CTBP1: variants seen among roughly 807,000 people sequenced by gnomAD.
The protein encoded by CTBP1 is C-terminal binding protein 1.
CTBP1 carries 11 observed loss-of-function variants against 42.1 expected under a neutral mutation model. The ratio of observed to expected loss-of-function variants is 0.26; its 90% CI spans 0.16 to 0.43. The LOEUF (loss-of-function observed/expected upper bound fraction) is 0.43, where lower values mean the gene tolerates loss of function less well. Ranked by LOEUF, CTBP1 falls within the 20% of genes least tolerant of loss-of-function variation. The pLI is 1.00. For missense variants in CTBP1, 399 were observed against 624.3 expected (o/e 0.64, Z 3.85); for synonymous variants, 324 against 277.1 (o/e 1.17, Z -1.68).
intron 1 of CTBP1, 143 bp from the exon 2 acceptor site, chr4:1,241,662 G>A: frequency 6.1e-6 from 8 of 1,308,388 alleles, no homozygotes; most frequent in Non-Finnish European, 7.9e-6. Context: ...TGGACTCGGG[G>A]GCCTGCTGAC....
intron 1 of CTBP1, chr4:1,243,046 T>C: frequency 1.0e-6 from 1 of 985,326 alleles, no homozygotes; most frequent in Non-Finnish European, 1.2e-6. Flanking sequence ...CAATACTCAT[T>C]GATACCGGCT....
At position 1,246,307 on chromosome 4, in the gene CTBP1, C is replaced by T. The variant is rs566857164; in HGVS notation, c.-189+2609G>A. Among the ~76,000 whole-genome samples, 5 of 152,142 alleles carry T rather than the reference C, an allele frequency of 3.3e-5. 1 individual carries two copies. The highest frequency in any genetic ancestry group is 2.1e-4 in the South Asian group (1 of 4,832). ...GCGCTCCGACCAGCGTTCCCTTGGG[C>T]GATGCAGTTCAACCACAGAACCCGT... On this transcript the variant is annotated intron_variant, in intron 1 of 9. Transcript: ENST00000382952.
chr4:1,215,992 T>C lies in CTBP1; in HGVS notation c.728A>G (p.Gln243Arg). 6.2e-7 allele frequency: 1 copy of C among 1,608,896 alleles called. No individual in the cohort carries two copies. Among genetic ancestry groups the C allele is most frequent in the Non-Finnish European group, 8.5e-7 (1 of 1,178,856 alleles). The change falls in exon 6 of 10, where the codon CAG (glutamine) becomes CGG (arginine). Residue 243 changes from glutamine to arginine, a missense_variant and splice_region_variant. Around this residue, in one of 4 missense-constraint regions of CTBP1, gnomAD observed 309 missense variants for 497.5 expected, o/e 0.62. Coordinates refer to ENST00000382952, the MANE Select transcript of CTBP1 (RefSeq NM_001012614.2). Reference protein sequence around the residue: ...HHLINDFTVKQMRQGAFLVNT... With the variant: ...HHLINDFTVKRMRQGAFLVNT... Reference sequence around the variant, plus strand: ...TCCTGTGTCCCCGGCTCCACGCACCTGCTTGACGGTGAAGTCGTTGATGAG... The same window carrying C: ...TCCTGTGTCCCCGGCTCCACGCACCCGCTTGACGGTGAAGTCGTTGATGAG...
intron 4 of CTBP1, among the ~76,000 whole-genome samples, chr4:1,226,883 C>A (rs572463379): frequency 6.6e-6 from 1 of 151,984 alleles, no homozygotes; most frequent in Admixed American, 6.5e-5. Context: ...TGGCTTCCGA[C>A]ACCACCTGCG....
intron 4 of CTBP1, among the ~76,000 whole-genome samples, chr4:1,227,907 G>A (rs1477519805): frequency 2.0e-5 from 3 of 152,182 alleles, no homozygotes; most frequent in African/African-American, 4.8e-5. Flanking sequence ...TCACCCCCAG[G>A]GTCCCAGTAC....
At chr4:1,216,388 G>A (rs1459552030) in intron 5 of CTBP1, 183 bp from the exon 6 acceptor site, 10 of 629,220 alleles carry the variant, frequency 1.6e-5, no homozygotes, top group South Asian at 7.8e-5. Context: ...CCGCTCCAAC[G>A]CGCCCACTGC....
At chr4:1,217,679 G>T (rs74932429) in intron 5 of CTBP1, 1 of 152,218 alleles carries the variant, frequency 6.6e-6, no homozygotes, top group Non-Finnish European at 1.5e-5. Flanking sequence ...GCGGCTGTTC[G>T]GGGCGAGACC....
chr4:1,220,604 C>T lies in CTBP1; in HGVS notation c.515-4399G>A, dbSNP rs1729630495. ...CCTCGTCAAGAACATGGTGGAGGATCTCAAGGCTCACAGCCGTGCAGACAG... is the reference window on the plus strand; with the variant it reads ...CCTCGTCAAGAACATGGTGGAGGATTTCAAGGCTCACAGCCGTGCAGACAG... On this transcript the variant is annotated intron_variant, in intron 5 of 9. Coordinates refer to ENST00000382952, the MANE Select transcript of CTBP1 (RefSeq NM_001012614.2). 2.0e-5 allele frequency among the ~76,000 whole-genome samples: 3 copies of T among 152,252 alleles called. No homozygotes were observed. The South Asian group carries it at 6.2e-4, about 31-fold the overall frequency.
At chr4:1,248,061 G>T (rs1732926546) in intron 1 of CTBP1, among the ~76,000 whole-genome samples, 2 of 152,232 alleles carry the variant, frequency 1.3e-5, no homozygotes, top group African/African-American at 4.8e-5. Context: ...TGCCTTTGCA[G>T]CCGGGTCGAG....
At chr4:1,241,895 G>A (rs1317832831) in intron 1 of CTBP1, 7 of 1,067,356 alleles carry the variant, frequency 6.6e-6, no homozygotes, top group Middle Eastern at 4.5e-4. Context: ...GGGAAACTGC[G>A]GAAAGGCTCT....
intron 3 of CTBP1, chr4:1,236,270 G>T: frequency 4.1e-6 from 1 of 242,862 alleles, no homozygotes; most frequent in Non-Finnish European, 8.0e-6. Flanking sequence ...GCTACAAGTA[G>T]AAGCCAGACC....
chr4:1,212,733 C>T (rs994307264), intron 9 of CTBP1, 180 bp downstream of exon 9: 2 of 638,764 alleles, frequency 3.1e-6, no homozygotes, highest in African/African-American at 1.8e-5. Context: ...CCAGCCCAGG[C>T]TCCTTCCAAG....
At chr4:1,221,972 C>T (rs538162590) in intron 5 of CTBP1, 30 of 308,154 alleles carry the variant, frequency 9.7e-5, no homozygotes, top group African/African-American at 3.1e-4. Flanking sequence ...TAGTCTGCGC[C>T]GAGTGGCACC....
In CTBP1 at chr4:1,239,000, G is replaced by A. The variant is rs1476109096; in HGVS notation, c.8-663C>T. On this transcript the variant is annotated intron_variant, in intron 2 of 9. Transcript: ENST00000382952. This position sits in a 1 kb window ranked among gnomAD's most constrained non-coding sequence, Gnocchi z 5.9. Reference sequence around the variant, plus strand: ...GGGTCACCAGTGTTTCACGTAGGACGCCCCCAACCCTCTGCCTGGCATTAC... The same window carrying A: ...GGGTCACCAGTGTTTCACGTAGGACACCCCCAACCCTCTGCCTGGCATTAC... Among the ~76,000 whole-genome samples the A allele has an allele frequency of 2.0e-5, 3 of 152,126 alleles. No individual in the cohort carries two copies. Among genetic ancestry groups the A allele is most frequent in the Non-Finnish European group, 4.4e-5 (3 of 68,030 alleles).
intron 3 of CTBP1, chr4:1,237,160 C>T: frequency 3.0e-6 from 2 of 658,688 alleles, no homozygotes; most frequent in East Asian, 5.6e-5. Context: ...GAGTGTCCAC[C>T]TCCTGATGGG....
intron 5 of CTBP1, chr4:1,217,135 C>G (rs1729215742): frequency 6.6e-6 from 1 of 152,536 alleles, no homozygotes; most frequent in Admixed American, 6.5e-5. Context: ...CCGCGGCGGC[C>G]TGAGGGCCAA....
At chr4:1,237,168 G>A (rs1438260491) in intron 3 of CTBP1, 1 of 658,372 alleles carries the variant, frequency 1.5e-6, no homozygotes, top group East Asian at 2.8e-5. Context: ...ACCTCCTGAT[G>A]GGGCTCAGGA....
intron 1 of CTBP1, 34 bp from the exon 2 acceptor site, chr4:1,241,553 C>G: frequency 9.0e-6 from 14 of 1,550,360 alleles, no homozygotes; most frequent in Non-Finnish European, 1.2e-5. Context: ...CATTAAAATG[C>G]CATCGAAGGT....
Position 1,248,030 on chromosome 4 carries a change from G to T in CTBP1, c.-189+886C>A, listed in dbSNP as rs185731595. 3.8e-4 allele frequency among the ~76,000 whole-genome samples: 58 copies of T among 152,368 alleles called. No individual in the cohort carries two copies. In the East Asian group the frequency reaches 8.7e-3, roughly 23 times the overall value. On this transcript the variant is annotated intron_variant, in intron 1 of 9. Transcript: ENST00000382952. ...CCAGAGAACGCTCCAGTCTCGGCCC[G>T]GGGCTCAGGCGCACGGACTCTGCCT... is the stretch of plus-strand genomic sequence containing the variant.
Sources: allele counts gnomAD v4.1 joint callset (sites outside exome capture counted in the v4.1 genomes callset), GRCh38; gene constraint gnomAD v4.1.1; regional missense constraint gnomAD v4.1.1; non-coding constraint Gnocchi (gnomAD v3.1); transcripts MANE v1.5; gene names NCBI Gene and HGNC (gene_info 2026-07-23, HGNC 2026-07-21).